The following CLASP1 variants were observed in gnomAD, a reference collection of about 807,000 sequenced individuals.
CLASP1 encodes cytoplasmic linker associated protein 1.
In CLASP1, 38 loss-of-function variants were observed where a neutral mutation model predicts 192.3. That is an observed-to-expected ratio of 0.20 (90% CI 0.15 to 0.26). CLASP1 has a LOEUF of 0.26. Among genes scored for constraint, CLASP1 ranks in the 10% least tolerant of loss-of-function variants. The pLI, the probability that CLASP1 is intolerant of heterozygous loss-of-function variation, is 1.00. For missense variants in CLASP1, 1,433 were observed against 1,932.5 expected (o/e 0.74, Z 4.85); for synonymous variants, 691 against 712.8 (o/e 0.97, Z 0.49).
chr2:121,488,227 C>T (rs751059856), intron 8 of CLASP1, among the ~76,000 whole-genome samples: 8 of 152,170 alleles, frequency 5.3e-5, no homozygotes, highest in Non-Finnish European at 8.8e-5. Context: ...CATATCTACA[C>T]AAAAAGATCA....
Position 121,482,105 on chromosome 2 carries a change from T to C in CLASP1, c.713-12145A>G, listed in dbSNP as rs1305281417. Among the ~76,000 whole-genome samples the C allele has an allele frequency of 3.3e-5, 5 of 152,166 alleles. No homozygotes were observed. In the South Asian group the frequency reaches 6.2e-4, roughly 19 times the overall value. ...AACTGAGAGTGTGAGCGGCTTTAAA[T>C]GTGTGCACATCCTACTTAACTCAGG... On this transcript the variant is annotated intron_variant, in intron 8 of 39. Transcript: ENST00000263710.
At chr2:121,574,842 C>T (rs2060343966) in intron 2 of CLASP1, among the ~76,000 whole-genome samples, 1 of 151,566 alleles carries the variant, frequency 6.6e-6, no homozygotes, top group Non-Finnish European at 1.5e-5. Context: ...GAGGCTGAGG[C>T]AGCAGAATTG....
At chr2:121,613,740 A>G (rs991127769) in intron 1 of CLASP1, among the ~76,000 whole-genome samples, 2 of 152,200 alleles carry the variant, frequency 1.3e-5, no homozygotes, top group Non-Finnish European at 2.9e-5. Flanking sequence ...GAAAGAAGAG[A>G]ATCAATCATA....
intron 24 of CLASP1, 45 bp from the exon 26 acceptor site, chr2:121,407,760 A>G (rs563948224): frequency 4.3e-6 from 7 of 1,612,454 alleles, no homozygotes; most frequent in Admixed American, 3.3e-5. Context: ...GAAGAAATAG[A>G]AAGGTGAAAT....
chr2:121,632,995 T>C (rs1239072916), intron 1 of CLASP1, among the ~76,000 whole-genome samples: 1 of 144,398 alleles, frequency 6.9e-6, no homozygotes, highest in African/African-American at 2.7e-5. Context: ...TGTATATATA[T>C]GTATGTGTGT....
chr2:121,355,033 A>G (rs913499541), intron 37 of CLASP1, among the ~76,000 whole-genome samples: 2 of 152,176 alleles, frequency 1.3e-5, no homozygotes, highest in Non-Finnish European at 2.9e-5. Flanking sequence ...AGCTGCTGGG[A>G]AAAAAGGCTG....
At chr2:121,404,036 T>C (rs186114828) in intron 26 of CLASP1, among the ~76,000 whole-genome samples, 71 of 152,370 alleles carry the variant, frequency 4.7e-4, no homozygotes, top group African/African-American at 1.6e-3. Context: ...AAATGCATGA[T>C]ATTATAATAT....
intron 25 of CLASP1, among the ~76,000 whole-genome samples, chr2:121,407,245 A>G (rs1012381028): frequency 4.6e-5 from 7 of 151,766 alleles, no homozygotes; most frequent in African/African-American, 1.2e-4. Context: ...GAAAAAAAGG[A>G]TATTTGCCAG....
At chr2:121,523,164 A>G (rs1264788990) in intron 6 of CLASP1, among the ~76,000 whole-genome samples, 1 of 152,246 alleles carries the variant, frequency 6.6e-6, no homozygotes, top group Admixed American at 6.5e-5. Context: ...GGTGTCTTAC[A>G]TTGCGTCAGG....
At chr2:121,387,075 G>C in intron 32 of CLASP1, 47 bp downstream of exon 33, 3 of 1,445,342 alleles carry the variant, frequency 2.1e-6, no homozygotes, top group Non-Finnish European at 1.9e-6. Flanking sequence ...AGCAATTAAG[G>C]TGCTTTAGTT....
At position 121,459,964 on chromosome 2, in the gene CLASP1, G is replaced by A. The variant is rs921904716; in HGVS notation, c.1178+16C>T. On this transcript the variant is annotated intron_variant, in intron 12 of 39. Transcript: ENST00000263710. ...CACTATTTTATGGTGAGAATATGGA[G>A]CATCGCAGTCCTTACCCCAACGTGA... 1.2e-6 allele frequency: 2 copies of A among 1,603,468 alleles called. No individual in the cohort carries two copies. Among genetic ancestry groups the A allele is most frequent in the Non-Finnish European group, 1.7e-6 (2 of 1,175,066 alleles).
chr2:121,410,284 A>T (rs1392965150), intron 24 of CLASP1, among the ~76,000 whole-genome samples: 1 of 152,214 alleles, frequency 6.6e-6, no homozygotes, highest in East Asian at 1.9e-4. Flanking sequence ...AACCAAAAAA[A>T]TTAAAGGATC....
intron 6 of CLASP1, among the ~76,000 whole-genome samples, chr2:121,517,547 A>G (rs1202537073): frequency 6.6e-6 from 1 of 152,094 alleles, no homozygotes; most frequent in African/African-American, 2.4e-5. Flanking sequence ...ATATTTCAAG[A>G]TAGGGCCTAT....
intron 8 of CLASP1, among the ~76,000 whole-genome samples, chr2:121,480,994 C>A (rs1297924096): frequency 6.6e-6 from 1 of 152,170 alleles, no homozygotes; most frequent in African/African-American, 2.4e-5. Flanking sequence ...ACCGCAAGAC[C>A]CACACACCCA....
chr2:121,576,151 AC>A (rs2060497975), intron 2 of CLASP1, among the ~76,000 whole-genome samples: 1 of 152,248 alleles, frequency 6.6e-6, no homozygotes, highest in Admixed American at 6.5e-5. Context: ...CTGAGTAACA[AC>A]TATGTGCCCA....
At chr2:121,449,060 C>T in exon 17 of CLASP1, 1 of 1,613,914 alleles carries the variant, frequency 6.2e-7, no homozygotes. Context: ...AGGAGGACTC[C>T]AAGGTGTGGT....
intron 34 of CLASP1, among the ~76,000 whole-genome samples, chr2:121,370,385 G>C (rs2068381575): frequency 6.6e-6 from 1 of 152,106 alleles, no homozygotes; most frequent in Admixed American, 6.5e-5. Context: ...AGTGTAAATG[G>C]TGCAATCTCG....
rs369765502 is a variant in CLASP1 at position 121,521,445 on chromosome 2, G to C, written c.546+4400C>G. 1.2e-4 allele frequency among the ~76,000 whole-genome samples: 19 copies of C among 152,296 alleles called. No homozygotes were observed. The South Asian group carries it at 3.9e-3, about 32-fold the overall frequency. On this transcript the variant is annotated intron_variant, in intron 6 of 39. Transcript: ENST00000263710. ...TGCTGTGCCTGTGCTGAGAGCTCTA[G>C]GAGGCAATGCACACAGGCTGAGGTG...
chr2:121,582,302 AGG>A (rs1255318531), intron 2 of CLASP1, among the ~76,000 whole-genome samples: 8 of 150,610 alleles, frequency 5.3e-5, no homozygotes, highest in African/African-American at 2.0e-4. Flanking sequence ...AGAAAGAGAA[AGG>A]GAGAGAGAGA....
Sources: allele counts gnomAD v4.1 joint callset (sites outside exome capture counted in the v4.1 genomes callset), GRCh38; gene constraint gnomAD v4.1.1; transcripts MANE v1.5; gene names NCBI Gene and HGNC (gene_info 2026-07-23, HGNC 2026-07-21).